Variants in GFRA1 observed in about 807,000 individuals in gnomAD.
GFRA1 encodes the protein GDNF family receptor alpha-1.
A neutral mutation model predicts 51.6 loss-of-function variants in GFRA1; 16 were observed. The observed-to-expected ratio is 0.31, with a 90% CI of 0.21 to 0.47. GFRA1 has a LOEUF of 0.47. GFRA1 is among the 20% of genes least tolerant of loss of function. The pLI is 1.00. For synonymous variants in GFRA1, 270 were observed against 241.3 expected, an observed-to-expected ratio of 1.12 and a Z score of -1.10; for missense variants, 530 against 594.3, an observed-to-expected ratio of 0.89 and a Z score of 1.13.
chr10:116,136,593 AG>A (rs1256042971), intron 5 of GFRA1, among the ~76,000 whole-genome samples: 2 of 152,344 alleles, frequency 1.3e-5, no homozygotes, highest in East Asian at 3.9e-4. Flanking sequence ...TTAAATAAAA[AG>A]GTATCCTTAA....
At chr10:116,215,642 G>A (rs1011124122) in intron 4 of GFRA1, among the ~76,000 whole-genome samples, 4 of 152,160 alleles carry the variant, frequency 2.6e-5, no homozygotes, top group South Asian at 2.1e-4. Flanking sequence ...AATAAGACTC[G>A]GGGCCATCTT....
intron 4 of GFRA1, among the ~76,000 whole-genome samples, chr10:116,219,984 A>G (rs1194273927): frequency 6.6e-6 from 1 of 152,164 alleles, no homozygotes; most frequent in Non-Finnish European, 1.5e-5. Context: ...GATGATCTCT[A>G]AGGTCCCTTC....
At chr10:116,133,907 A>G (rs904346964) in intron 5 of GFRA1, among the ~76,000 whole-genome samples, 1 of 152,222 alleles carries the variant, frequency 6.6e-6, no homozygotes, top group African/African-American at 2.4e-5. Context: ...AACTGCCTTT[A>G]TCTCAAATAC....
At chr10:116,234,045 C>T (rs1440188359) in intron 4 of GFRA1, among the ~76,000 whole-genome samples, 1 of 152,148 alleles carries the variant, frequency 6.6e-6, no homozygotes, top group Non-Finnish European at 1.5e-5. Flanking sequence ...ATTCTCTCTA[C>T]TCTTTGGGAG....
In GFRA1 at chr10:116,096,774, G is replaced by GA. The variant is rs1182240527; in HGVS notation, c.771-11dup. On this transcript the variant is annotated splice_polypyrimidine_tract_variant and intron_variant, in intron 6 of 10. Coordinates refer to ENST00000355422, the MANE Select transcript of GFRA1 (RefSeq NM_005264.8). ...ATCCGCAAGGCGAGATCTACAATAG[G>GA]AAAAAAGGGGTGGGGGGTGGAAATG... The GA allele has an allele frequency of 2.1e-6, 3 of 1,440,562 alleles. No individual in the cohort carries two copies. Among genetic ancestry groups the GA allele is most frequent in the Non-Finnish European group, 2.9e-6 (3 of 1,025,102 alleles). The allele number at this position is 1,440,562 out of a possible 1,614,324, so 89.2% of individuals were successfully genotyped here.
chr10:116,171,294 G>A lies in GFRA1; in HGVS notation c.433+40337C>T, dbSNP rs563062065. Among the ~76,000 whole-genome samples the A allele has an allele frequency of 2.0e-5, 3 of 152,256 alleles. No individual in the cohort carries two copies. The East Asian group carries it at 5.8e-4, about 29-fold the overall frequency. On this transcript the variant is annotated intron_variant, in intron 5 of 10. Coordinates refer to ENST00000355422, the MANE Select transcript of GFRA1 (RefSeq NM_005264.8). Reference sequence around the variant, plus strand: ...AGATCAGGCTCAGAAATAATACGGAGTATAATTCTCTTTTAAATGAGGATT... The same window carrying A: ...AGATCAGGCTCAGAAATAATACGGAATATAATTCTCTTTTAAATGAGGATT...
Position 116,072,267 on chromosome 10 carries a change from AGGGGCACTTGT to A in GFRA1, c.1198-6652_1198-6642del, listed in dbSNP as rs1306589769. On this transcript the variant is annotated intron_variant, in intron 9 of 10. Coordinates refer to ENST00000355422, the MANE Select transcript of GFRA1 (RefSeq NM_005264.8). ...GCCTGCATCCCAACTGGAGAGAGTGAGGGGCACTTGTGGGTAGAAGAAGCGAAGTCCACTAG... is the reference window on the plus strand; with the variant it reads ...GCCTGCATCCCAACTGGAGAGAGTGAGGGTAGAAGAAGCGAAGTCCACTAG... Among the ~76,000 whole-genome samples, 4 of 152,166 alleles carry A rather than the reference AGGGGCACTTGT, an allele frequency of 2.6e-5. No homozygotes were observed. The South Asian group carries it at 8.3e-4, about 32-fold the overall frequency.
At chr10:116,102,591 T>C (rs2694784) in intron 6 of GFRA1, among the ~76,000 whole-genome samples, 27,504 of 152,182 alleles carry the variant, frequency 0.18, 2,521 homozygotes, top group Middle Eastern at 0.23. Context: ...CTCACAATCA[T>C]GGCAGAAGGT....
intron 4 of GFRA1, among the ~76,000 whole-genome samples, chr10:116,224,693 A>AG (rs1202795637): frequency 6.6e-5 from 10 of 152,332 alleles, no homozygotes; most frequent in Non-Finnish European, 1.0e-4. Flanking sequence ...GAAGGGGATG[A>AG]GGGGGTGACA....
chr10:116,131,486 A>C (rs1033989507), intron 5 of GFRA1, among the ~76,000 whole-genome samples: 4 of 152,228 alleles, frequency 2.6e-5, no homozygotes, highest in Admixed American at 1.3e-4. Flanking sequence ...ATAATAATCA[A>C]AACTGGAGAC....
chr10:116,135,244 C>A (rs1308875616), intron 5 of GFRA1, among the ~76,000 whole-genome samples: 2 of 152,158 alleles, frequency 1.3e-5, no homozygotes, highest in Admixed American at 6.5e-5. Context: ...CCTTGGCTAC[C>A]AGGAAACTGG....
intron 4 of GFRA1, among the ~76,000 whole-genome samples, chr10:116,224,789 A>G (rs940301091): frequency 1.3e-5 from 2 of 152,200 alleles, no homozygotes; most frequent in Non-Finnish European, 2.9e-5. Context: ...GAATATACTA[A>G]AATCCATTTA....
intron 6 of GFRA1, among the ~76,000 whole-genome samples, chr10:116,106,779 G>A (rs1166994630): frequency 7.3e-6 from 1 of 137,230 alleles, no homozygotes; most frequent in Non-Finnish European, 1.6e-5. Context: ...TGTTGAGATG[G>A]AACTCCCAGT....
At chr10:116,187,326 G>A (rs897597148) in intron 5 of GFRA1, among the ~76,000 whole-genome samples, 1 of 152,166 alleles carries the variant, frequency 6.6e-6, no homozygotes, top group Non-Finnish European at 1.5e-5. Flanking sequence ...TGCTCGGCCA[G>A]CATCTCTGCA....
intron 5 of GFRA1, among the ~76,000 whole-genome samples, chr10:116,179,524 C>G (rs1961998662): frequency 6.6e-6 from 1 of 152,154 alleles, no homozygotes; most frequent in African/African-American, 2.4e-5. Context: ...GGATTTAAAC[C>G]TGGGTGTTCT....
Position 116,270,815 on chromosome 10 carries a change from C to T in GFRA1, c.334+7G>A. On this transcript the variant is annotated splice_region_variant and intron_variant, in intron 3 of 10. Coordinates refer to ENST00000355422, the MANE Select transcript of GFRA1 (RefSeq NM_005264.8). ...CACGGGGTGGGGTGGGGAGGTTCCA[C>T]GCGTACCCTGCAGGCTCTGGTACAT... 1.2e-6 allele frequency: 2 copies of T among 1,609,622 alleles called. No individual in the cohort carries two copies. Among genetic ancestry groups the T allele is most frequent in the Non-Finnish European group, 1.7e-6 (2 of 1,177,228 alleles).
At chr10:116,271,244 G>A (rs1437413274) in intron 2 of GFRA1, 129 bp from the exon 3 acceptor site, 2 of 686,884 alleles carry the variant, frequency 2.9e-6, no homozygotes, top group African/African-American at 1.8e-5. Flanking sequence ...CTCTGGGAGC[G>A]GGTCCACCTC....
rs532012992 is a variant in GFRA1, at chr10:116,151,427, G to A, written c.434-25870C>T. Among the ~76,000 whole-genome samples the A allele has an allele frequency of 9.4e-4, 143 of 152,274 alleles. 1 individual carries two copies. The highest frequency in any genetic ancestry group is 3.3e-3 in the African/African-American group (137 of 41,554). On this transcript the variant is annotated intron_variant, in intron 5 of 10. Transcript: ENST00000355422. ...ACCTGTTAGAAGGCCAAATGGGGAA[G>A]GGGCACCCCACTACATCACCACCAC...
intron 5 of GFRA1, among the ~76,000 whole-genome samples, chr10:116,148,044 G>GGGTGTGCATGCA (rs1958889858): frequency 1.5e-5 from 1 of 67,140 alleles, no homozygotes; most frequent in Admixed American, 1.7e-4. Flanking sequence ...GTGCATGTGC[G>GGGTGTGCATGCA]TGTGTGCATG....
Sources: gnomAD v4.1 joint callset for allele counts (sites outside exome capture counted in the v4.1 genomes callset) on GRCh38, gnomAD v4.1.1 for gene constraint, MANE v1.5 for transcripts, NCBI Gene and HGNC (gene_info 2026-07-23, HGNC 2026-07-21) for gene names.